Variants in CNTN5 observed in about 807,000 individuals in gnomAD.
CNTN5 encodes the protein contactin-5.
CNTN5 carries 77 observed loss-of-function variants against 129.1 expected under a neutral mutation model. That is an observed-to-expected ratio of 0.60 (90% confidence interval 0.50 to 0.72). The LOEUF (loss-of-function observed/expected upper bound fraction) is 0.72. Ranked by LOEUF, CNTN5 falls within the 30% of genes least tolerant of loss-of-function variation. The pLI is 0.00. For synonymous variants in CNTN5, 509 were observed against 465.6 expected, an observed-to-expected ratio of 1.09 and a Z score of -1.20; for missense variants, 1,478 against 1,328.8, an observed-to-expected ratio of 1.11 and a Z score of -1.75.
intron 1 of CNTN5, among the ~76,000 whole-genome samples, chr11:99,322,006 C>T (rs1408653063): frequency 6.6e-6 from 1 of 152,150 alleles, no homozygotes; most frequent in Non-Finnish European, 1.5e-5. Flanking sequence ...GTGCCTCTTG[C>T]TTACCAAATT....
chr11:99,337,192 T>A (rs563286235), intron 2 of CNTN5, among the ~76,000 whole-genome samples: 3 of 152,260 alleles, frequency 2.0e-5, no homozygotes, highest in African/African-American at 7.2e-5. Context: ...AAAAACATGT[T>A]GTAGCTGTGG....
intron 6 of CNTN5, among the ~76,000 whole-genome samples, chr11:99,851,963 C>T (rs1322492020): frequency 6.6e-6 from 1 of 151,998 alleles, no homozygotes; most frequent in Non-Finnish European, 1.5e-5. Flanking sequence ...TTGAATAATC[C>T]CAAACTCCAC....
intron 1 of CNTN5, among the ~76,000 whole-genome samples, chr11:99,259,884 GA>G (rs1862549547): frequency 6.6e-6 from 1 of 151,710 alleles, no homozygotes; most frequent in Admixed American, 6.6e-5. Context: ...TAGGCTAATA[GA>G]AAAATTTAGC....
chr11:99,817,268 T>G (rs554718682), intron 3 of CNTN5, among the ~76,000 whole-genome samples: 1 of 152,326 alleles, frequency 6.6e-6, no homozygotes, highest in East Asian at 1.9e-4. Flanking sequence ...AGTAACAGCT[T>G]TGCGTTCACA....
chr11:100,000,007 T>C (rs1359287970), intron 8 of CNTN5, among the ~76,000 whole-genome samples: 1 of 113,854 alleles, frequency 8.8e-6, no homozygotes, highest in East Asian at 2.8e-4. Flanking sequence ...GGGACTGTTG[T>C]GGGGTGTGGG....
chr11:99,100,212 T>A (rs2135347013), intron 1 of CNTN5, among the ~76,000 whole-genome samples: 1 of 152,244 alleles, frequency 6.6e-6, no homozygotes, highest in African/African-American at 2.4e-5. Context: ...TGGTTTAAAA[T>A]ATTTTTTCTC....
chr11:99,472,855 T>A (rs1368160455), intron 2 of CNTN5, among the ~76,000 whole-genome samples: 1 of 152,082 alleles, frequency 6.6e-6, no homozygotes, highest in Non-Finnish European at 1.5e-5. Flanking sequence ...AACATTTTGG[T>A]TCAAGTTCAT....
intron 3 of CNTN5, among the ~76,000 whole-genome samples, chr11:99,778,011 C>A (rs1165524524): frequency 4.0e-5 from 6 of 151,888 alleles, no homozygotes; most frequent in Non-Finnish European, 7.4e-5. Context: ...CTAGCTTTAT[C>A]TCTGAATATT....
At chr11:99,192,870 C>T (rs1169529145) in intron 1 of CNTN5, among the ~76,000 whole-genome samples, 1 of 152,136 alleles carries the variant, frequency 6.6e-6, no homozygotes, top group African/African-American at 2.4e-5. Context: ...TCAACAGATG[C>T]CCATATAACA....
intron 2 of CNTN5, among the ~76,000 whole-genome samples, chr11:99,495,460 G>A (rs1486140773): frequency 6.6e-6 from 1 of 152,172 alleles, no homozygotes; most frequent in Non-Finnish European, 1.5e-5. Context: ...GCGCTTTCTG[G>A]AATTAGCAAG....
chr11:99,412,897 C>A (rs1942464105), intron 2 of CNTN5, among the ~76,000 whole-genome samples: 1 of 152,154 alleles, frequency 6.6e-6, no homozygotes, highest in South Asian at 2.1e-4. Flanking sequence ...TCAATCAGAG[C>A]AGGGTGAATA....
intron 1 of CNTN5, among the ~76,000 whole-genome samples, chr11:99,302,550 A>G (rs1416381605): frequency 6.6e-6 from 1 of 151,804 alleles, no homozygotes; most frequent in Non-Finnish European, 1.5e-5. Context: ...TTCAGGATAC[A>G]TGTGATAATT....
intron 6 of CNTN5, among the ~76,000 whole-genome samples, chr11:99,872,884 A>T (rs1948538112): frequency 6.6e-6 from 1 of 152,142 alleles, no homozygotes; most frequent in Admixed American, 6.6e-5. Context: ...TATTTTCATA[A>T]ATCATCTAAA....
chr11:99,033,314 G>A (rs982044437), intron 1 of CNTN5, among the ~76,000 whole-genome samples: 1 of 152,078 alleles, frequency 6.6e-6, no homozygotes, highest in Non-Finnish European at 1.5e-5. Context: ...GAAAGTCATT[G>A]GTAGCTTGAT....
chr11:99,383,496 G>T (rs1208389304), intron 2 of CNTN5, among the ~76,000 whole-genome samples: 1 of 152,030 alleles, frequency 6.6e-6, no homozygotes, highest in Non-Finnish European at 1.5e-5. Context: ...TCCTCTATAT[G>T]AACAGTGATG....
chr11:99,849,967 T>C (rs1013629557), intron 6 of CNTN5, among the ~76,000 whole-genome samples: 2 of 152,126 alleles, frequency 1.3e-5, no homozygotes, highest in East Asian at 1.9e-4. Context: ...TCTTACATGC[T>C]TGCTTCCTCA....
chr11:99,591,679 G>A (rs1205180127), intron 3 of CNTN5, among the ~76,000 whole-genome samples: 1 of 152,082 alleles, frequency 6.6e-6, no homozygotes, highest in Admixed American at 6.6e-5. Context: ...TGCGGGAAGA[G>A]AGATAACGAG....
chr11:100,073,961 A>G (rs1944028628), intron 12 of CNTN5, among the ~76,000 whole-genome samples, 183 bp from the exon 13 acceptor site: 1 of 152,202 alleles, frequency 6.6e-6, no homozygotes, highest in African/African-American at 2.4e-5. Context: ...CTGCTAATGT[A>G]CTAAGGTACA....
rs138644247 is a variant in CNTN5 at position 99,737,144 on chromosome 11, A to AACAC, written c.56-82385_56-82382dup. On this transcript the variant is annotated intron_variant, in intron 3 of 24. Coordinates refer to ENST00000524871, the MANE Select transcript of CNTN5 (RefSeq NM_014361.4). The stretch of plus-strand genomic sequence containing the variant: ...TGTAACACACATGCACACACACACA[A>AACAC]ACACACACACACACACACGCACACG... Among the ~76,000 whole-genome samples the AACAC allele has an allele frequency of 6.8e-4, 98 of 143,258 alleles. 2 individuals carry two copies. Among genetic ancestry groups the AACAC allele is most frequent in the African/African-American group, 2.6e-3 (91 of 35,662 alleles). 94.0% of individuals were successfully genotyped at this position (143,258 alleles called of 152,430 possible).
Sources: gnomAD v4.1 joint callset for allele counts (sites outside exome capture counted in the v4.1 genomes callset) on GRCh38, gnomAD v4.1.1 for gene constraint, MANE v1.5 for transcripts, NCBI Gene and HGNC (gene_info 2026-07-23, HGNC 2026-07-21) for gene names.